DPP10: variants seen among roughly 807,000 people sequenced by gnomAD.
DPP10 encodes the protein inactive dipeptidyl peptidase 10.
DPP10 carries 33 observed loss-of-function variants against 120.9 expected under a neutral mutation model. The observed-to-expected ratio is 0.27, with a 90% CI of 0.21 to 0.37. The LOEUF (loss-of-function observed/expected upper bound fraction) is 0.37. Ranked by LOEUF, DPP10 falls within the 10% of genes least tolerant of loss-of-function variation. DPP10 has a pLI of 1.00. For synonymous variants in DPP10, 337 were observed against 326.1 expected, an observed-to-expected ratio of 1.03 and a Z score of -0.36; for missense variants, 816 against 942.8, an observed-to-expected ratio of 0.87 and a Z score of 1.76.
intron 24 of DPP10, among the ~76,000 whole-genome samples, chr2:115,840,312 T>TG (rs1311104322): frequency 1.1e-4 from 4 of 35,858 alleles, no homozygotes; most frequent in African/African-American, 3.6e-4. Flanking sequence ...AGATATAAGG[T>TG]TTTTTGGTTT....
chr2:115,384,707 A>AAGAAAGAAGAAGAAGAAG (rs1553574793), intron 3 of DPP10, among the ~76,000 whole-genome samples: 156 of 148,552 alleles, frequency 1.1e-3, no homozygotes, highest in African/African-American at 3.6e-3. Flanking sequence ...AAGAAAGAAG[A>AAGAAAGAAGAAGAAGAAG]AAGAAGAAGA....
intron 1 of DPP10, among the ~76,000 whole-genome samples, chr2:115,236,486 ACTC>A (rs1374468421): frequency 6.6e-6 from 1 of 152,160 alleles, no homozygotes; most frequent in Admixed American, 6.5e-5. Flanking sequence ...TTAGTAATGA[ACTC>A]CTTAAACAAA....
At chr2:114,727,867 A>T (rs1480485986) in intron 1 of DPP10, among the ~76,000 whole-genome samples, 1 of 152,202 alleles carries the variant, frequency 6.6e-6, no homozygotes, top group East Asian at 1.9e-4. Context: ...TTCAGTGTCT[A>T]TTATCTGTCT....
chr2:114,558,807 G>T (rs907993152), intron 1 of DPP10, among the ~76,000 whole-genome samples: 1 of 152,066 alleles, frequency 6.6e-6, no homozygotes, highest in Admixed American at 6.5e-5. Flanking sequence ...TAAGCATCTG[G>T]GGGCTCTTTT....
Position 114,814,233 on chromosome 2 carries a change from C to T in DPP10, c.60+371395C>T, listed in dbSNP as rs564345973. Among the ~76,000 whole-genome samples, 125 of 152,198 alleles carry T rather than the reference C, an allele frequency of 8.2e-4. 1 individual carries two copies. Among genetic ancestry groups the T allele is most frequent in the Middle Eastern group, 3.4e-3 (1 of 294 alleles). On this transcript the variant is annotated intron_variant, in intron 1 of 25. Transcript: ENST00000410059. ...TTGGAATGGTAGTAACTTCCAGTGACGTGAGCTTTCAGAGGATGGCAGCTA... is the reference window on the plus strand; with the variant it reads ...TTGGAATGGTAGTAACTTCCAGTGATGTGAGCTTTCAGAGGATGGCAGCTA...
intron 1 of DPP10, among the ~76,000 whole-genome samples, chr2:114,928,100 C>T (rs560091850): frequency 6.6e-6 from 1 of 152,294 alleles, no homozygotes; most frequent in South Asian, 2.1e-4. Context: ...AGACAAACAT[C>T]CAAACTACAG....
intron 1 of DPP10, among the ~76,000 whole-genome samples, chr2:114,770,774 A>G (rs187242021): frequency 2.2e-4 from 33 of 152,298 alleles, no homozygotes; most frequent in African/African-American, 7.9e-4. Context: ...GAGTCCCGCT[A>G]TAGAATTTTT....
chr2:115,211,650 C>A (rs912260048), intron 1 of DPP10, among the ~76,000 whole-genome samples: 1 of 151,888 alleles, frequency 6.6e-6, no homozygotes, highest in African/African-American at 2.4e-5. Context: ...TTTAATTTGG[C>A]AGTAAGATGC....
chr2:114,858,975 T>C (rs747872048), intron 1 of DPP10, among the ~76,000 whole-genome samples: 15 of 152,048 alleles, frequency 9.9e-5, no homozygotes, highest in Non-Finnish European at 1.9e-4. Context: ...CAAATCTCAA[T>C]AGGAGTAGCA....
intron 13 of DPP10, among the ~76,000 whole-genome samples, chr2:115,775,296 TAGTA>T (rs1357929927): frequency 4.6e-5 from 7 of 151,966 alleles, no homozygotes; most frequent in African/African-American, 1.7e-4. Context: ...ATAAAACAAA[TAGTA>T]AGTTATTTGG....
At chr2:114,759,303 C>A (rs1012508727) in intron 1 of DPP10, among the ~76,000 whole-genome samples, 1 of 152,152 alleles carries the variant, frequency 6.6e-6, no homozygotes, top group African/African-American at 2.4e-5. Context: ...CAGTGACTGT[C>A]TTTAGATATT....
chr2:114,949,086 G>A (rs1399377692), intron 1 of DPP10, among the ~76,000 whole-genome samples: 7 of 151,988 alleles, frequency 4.6e-5, no homozygotes, highest in African/African-American at 9.7e-5. Context: ...CACCACACCC[G>A]GCTAATTTTT....
intron 1 of DPP10, among the ~76,000 whole-genome samples, chr2:114,919,492 T>G (rs1195611019): frequency 6.6e-6 from 1 of 152,264 alleles, no homozygotes; most frequent in Non-Finnish European, 1.5e-5. Context: ...ATCAACTCTG[T>G]AATTCTGTGA....
At chr2:115,729,109 A>G (rs1012547366) in intron 8 of DPP10, among the ~76,000 whole-genome samples, 3 of 152,210 alleles carry the variant, frequency 2.0e-5, no homozygotes, top group Non-Finnish European at 2.9e-5. Context: ...TATTAGAAAA[A>G]GAAATACACA....
intron 1 of DPP10, among the ~76,000 whole-genome samples, chr2:115,051,328 T>C (rs150838298): frequency 3.6e-4 from 54 of 151,658 alleles, no homozygotes; most frequent in African/African-American, 1.2e-3. Flanking sequence ...ATTTAAGAAA[T>C]GAATCAAGTA....
At chr2:115,389,278 AACACACACAC>A in intron 3 of DPP10, among the ~76,000 whole-genome samples, 1 of 149,742 alleles carries the variant, frequency 6.7e-6, no homozygotes, top group Admixed American at 6.7e-5. Flanking sequence ...CACACACACA[AACACACACAC>A]ACACACACAC....
At chr2:115,360,195 A>C (rs1052565877) in intron 3 of DPP10, among the ~76,000 whole-genome samples, 2 of 152,182 alleles carry the variant, frequency 1.3e-5, no homozygotes, top group African/African-American at 4.8e-5. Flanking sequence ...TGAATTGCCA[A>C]AGTCCTTGCA....
intron 1 of DPP10, among the ~76,000 whole-genome samples, chr2:114,627,293 T>C (rs1225245742): frequency 6.6e-6 from 1 of 152,156 alleles, no homozygotes; most frequent in Non-Finnish European, 1.5e-5. Context: ...GAAGTTGTCC[T>C]CTGTGACCAG....
At chr2:115,010,126 G>A (rs991643461) in intron 1 of DPP10, among the ~76,000 whole-genome samples, 5 of 152,286 alleles carry the variant, frequency 3.3e-5, no homozygotes, top group Admixed American at 6.5e-5. Context: ...AGCCAATTAA[G>A]TAAAGCTAAT....
Sources: gnomAD v4.1 joint callset for allele counts (sites outside exome capture counted in the v4.1 genomes callset) on GRCh38, gnomAD v4.1.1 for gene constraint, MANE v1.5 for transcripts, NCBI Gene and HGNC (gene_info 2026-07-23, HGNC 2026-07-21) for gene names.